The following SIL1 variants were observed in gnomAD, a reference collection of about 807,000 sequenced individuals.
SIL1 encodes nucleotide exchange factor SIL1.
Under a neutral mutation model 49.1 loss-of-function variants are expected in SIL1, and 40 were observed. That is an observed-to-expected ratio of 0.81 (90% CI 0.63 to 1.06). The LOEUF (loss-of-function observed/expected upper bound fraction) is 1.06. SIL1 is among the 50% of genes least tolerant of loss of function. The pLI, the probability that SIL1 is intolerant of heterozygous loss-of-function variation, is 0.00. For synonymous variants in SIL1, 253 were observed against 250.8 expected, an observed-to-expected ratio of 1.01 and a Z score of -0.08; for missense variants, 500 against 572.6, an observed-to-expected ratio of 0.87 and a Z score of 1.29.
At chr5:139,059,842 T>G (rs949273713) in intron 3 of SIL1, among the ~76,000 whole-genome samples, 4 of 152,250 alleles carry the variant, frequency 2.6e-5, no homozygotes, top group Non-Finnish European at 5.9e-5. Flanking sequence ...TCACTTTACT[T>G]ATTTATAACT....
chr5:138,947,890 ACCT>A lies in SIL1; in HGVS notation c.1030-420_1030-418del, dbSNP rs566340444. Among the ~76,000 whole-genome samples the A allele has an allele frequency of 2.6e-3, 403 of 152,214 alleles. 3 individuals are homozygous for A. The highest frequency in any genetic ancestry group is 8.3e-3 in the African/African-American group (344 of 41,526). On this transcript the variant is annotated intron_variant, in intron 9 of 9. Coordinates refer to ENST00000394817, the MANE Select transcript of SIL1 (RefSeq NM_022464.5). This position sits in a 1 kb window ranked among gnomAD's most constrained non-coding sequence, Gnocchi z 4.1. ...AGCCTCCCTGAGACTCATCGTCATC[ACCT>A]CCTAAGTGGAGAAACTCAGCCTGTC... is the stretch of plus-strand genomic sequence containing the variant.
chr5:139,080,105 C>T (rs1445042591), intron 3 of SIL1, among the ~76,000 whole-genome samples: 1 of 152,072 alleles, frequency 6.6e-6, no homozygotes, highest in African/African-American at 2.4e-5. Context: ...GGCAATAGAC[C>T]GTGAATGATG....
intron 3 of SIL1, among the ~76,000 whole-genome samples, chr5:139,113,262 C>T (rs1397129435): frequency 6.6e-6 from 1 of 151,666 alleles, no homozygotes; most frequent in Non-Finnish European, 1.5e-5. Context: ...TGCCAAATCC[C>T]CCTCTGCGAG....
chr5:138,951,997 T>G (rs926416043), intron 7 of SIL1, 113 bp from the exon 8 acceptor site: 1 of 959,324 alleles, frequency 1.0e-6, no homozygotes, highest in Non-Finnish European at 1.7e-6. Context: ...CAACAGAGGT[T>G]CCCACACGGG....
chr5:139,049,154 T>A (rs1309199597), intron 4 of SIL1, among the ~76,000 whole-genome samples: 1 of 152,170 alleles, frequency 6.6e-6, no homozygotes, highest in Non-Finnish European at 1.5e-5. Context: ...TGATTACATC[T>A]AACTGCAAAA....
At chr5:139,083,780 C>T (rs1770147373) in intron 3 of SIL1, among the ~76,000 whole-genome samples, 1 of 11,192 alleles carries the variant, frequency 8.9e-5, no homozygotes, top group Non-Finnish European at 2.0e-4. Context: ...AATGGTAATG[C>T]CTAGGTTTTC....
At chr5:139,155,757 A>G (rs1215537525) in intron 1 of SIL1, among the ~76,000 whole-genome samples, 3 of 152,164 alleles carry the variant, frequency 2.0e-5, no homozygotes, top group Non-Finnish European at 2.9e-5. Flanking sequence ...ATATCTGCAG[A>G]CCATAGCAGG....
At chr5:139,125,826 T>C (rs1248191222) in intron 2 of SIL1, among the ~76,000 whole-genome samples, 1 of 152,180 alleles carries the variant, frequency 6.6e-6, no homozygotes, top group Non-Finnish European at 1.5e-5. Flanking sequence ...TCAAGGCCAG[T>C]AACACACAAC....
chr5:139,137,870 T>C (rs986412290), intron 1 of SIL1, among the ~76,000 whole-genome samples: 1 of 151,846 alleles, frequency 6.6e-6, no homozygotes, highest in Admixed American at 6.6e-5. Flanking sequence ...CATGTTCTAG[T>C]TTCTGCACCA....
At chr5:139,126,303 A>G (rs759165471) in intron 2 of SIL1, among the ~76,000 whole-genome samples, 1 of 152,234 alleles carries the variant, frequency 6.6e-6, no homozygotes, top group African/African-American at 2.4e-5. Context: ...GAGCTAATAT[A>G]AATGGGCCAG....
chr5:139,095,131 C>T (rs1770426710), intron 3 of SIL1, among the ~76,000 whole-genome samples: 1 of 152,162 alleles, frequency 6.6e-6, no homozygotes, highest in African/African-American at 2.4e-5. Context: ...CAGATTTCTC[C>T]ACTGTAAAGT....
At chr5:139,131,360 A>C (rs1476543659) in intron 1 of SIL1, among the ~76,000 whole-genome samples, 1 of 152,040 alleles carries the variant, frequency 6.6e-6, no homozygotes, top group Non-Finnish European at 1.5e-5. Context: ...GCATGATTGC[A>C]GTGGGACCCA....
At chr5:139,186,663 G>C (rs1456907634) in intron 1 of SIL1, among the ~76,000 whole-genome samples, 1 of 152,184 alleles carries the variant, frequency 6.6e-6, no homozygotes, top group Non-Finnish European at 1.5e-5. Flanking sequence ...CTGAGTTGGA[G>C]ACTCCTAGCC....
intron 7 of SIL1, among the ~76,000 whole-genome samples, chr5:138,966,653 G>A (rs1767150454): frequency 6.6e-6 from 1 of 152,090 alleles, no homozygotes; most frequent in African/African-American, 2.4e-5. Flanking sequence ...GCCCCTCATC[G>A]CCATGAGAGG....
rs182707457 is a variant in SIL1, at chr5:139,125,011, C to T, written c.105+2728G>A. On this transcript the variant is annotated intron_variant, in intron 2 of 9. Transcript: ENST00000394817. ...TGTGCCCTGAGAGCTGAGGGAATGA[C>T]GCGGGATACTGAGATCACCTTAGCA... 4.6e-5 allele frequency among the ~76,000 whole-genome samples: 7 copies of T among 152,330 alleles called. No homozygotes were observed. In the East Asian group the frequency reaches 9.6e-4, roughly 21 times the overall value.
intron 7 of SIL1, among the ~76,000 whole-genome samples, chr5:139,011,238 G>A (rs1305402374): frequency 5.4e-5 from 8 of 148,786 alleles, no homozygotes; most frequent in Non-Finnish European, 1.0e-4. Flanking sequence ...AGGTGCGTCC[G>A]TCACCCCTTT....
intron 3 of SIL1, among the ~76,000 whole-genome samples, chr5:139,115,684 C>T (rs957422468): frequency 3.3e-5 from 5 of 152,178 alleles, no homozygotes; most frequent in Non-Finnish European, 7.4e-5. Flanking sequence ...CCACTCCCTA[C>T]CCCCACTCCA....
At chr5:139,132,641 C>T (rs566227403) in intron 1 of SIL1, among the ~76,000 whole-genome samples, 3 of 152,100 alleles carry the variant, frequency 2.0e-5, no homozygotes, top group Non-Finnish European at 4.4e-5. Flanking sequence ...GTTTCTCAGG[C>T]TTCACAGGGG....
At position 138,999,209 on chromosome 5, in the gene SIL1, C is replaced by A. The variant is rs114418599; in HGVS notation, c.767+21962G>T. Among the ~76,000 whole-genome samples, 132 of 152,302 alleles carry A rather than the reference C, an allele frequency of 8.7e-4. 1 individual carries two copies. The highest frequency in any genetic ancestry group is 3.0e-3 in the African/African-American group (126 of 41,580). On this transcript the variant is annotated intron_variant, in intron 7 of 9. Transcript: ENST00000394817. ...GAGGGGACAAATATCCACACTATAT[C>A]ATGTCCAATTCAATTTTTTCCATCA...
Sources: gnomAD v4.1 joint callset for allele counts (sites outside exome capture counted in the v4.1 genomes callset) on GRCh38, gnomAD v4.1.1 for gene constraint, Gnocchi (gnomAD v3.1) non-coding constraint, MANE v1.5 for transcripts, NCBI Gene and HGNC (gene_info 2026-07-23, HGNC 2026-07-21) for gene names.